Variants in SYDE1 observed in about 807,000 individuals in gnomAD.
SYDE1 encodes synapse defective Rho GTPase activating protein 1, also known as rho GTPase-activating protein SYDE1.
In SYDE1, 34 loss-of-function variants were observed where a neutral mutation model predicts 63.3. That is an observed-to-expected ratio of 0.54 (90% CI 0.41 to 0.71). SYDE1 has a LOEUF of 0.71. Ranked by LOEUF, SYDE1 falls within the 30% of genes least tolerant of loss-of-function variation. SYDE1 has a pLI of 0.00. For synonymous variants in SYDE1, 467 were observed against 473.4 expected, an observed-to-expected ratio of 0.99 and a Z score of 0.18; for missense variants, 925 against 1,042.5, an observed-to-expected ratio of 0.89 and a Z score of 1.55.
rs781342593 is a variant in SYDE1, at chr19:15,109,506, C to A, written c.430+109C>A. 1 of 1,291,376 alleles carries A rather than the reference C, an allele frequency of 7.7e-7. No homozygotes were observed. Among genetic ancestry groups the A allele is most frequent in the Non-Finnish European group, 1.0e-6 (1 of 958,368 alleles). 80.0% of individuals were successfully genotyped at this position (1,291,376 alleles called of 1,614,324 possible). A position where few individuals can be genotyped will look rare whatever the true frequency, so the allele number is the denominator to read the frequency against. ...TCCCTCCTCCCAGAGGAGCACCAACCTCACACTCCTTCCCTTCAGGGGAGC... is the reference window on the plus strand; with the variant it reads ...TCCCTCCTCCCAGAGGAGCACCAACATCACACTCCTTCCCTTCAGGGGAGC... On this transcript the variant is annotated intron_variant, in intron 2 of 7. Coordinates refer to ENST00000342784, the MANE Select transcript of SYDE1 (RefSeq NM_033025.6). This position sits in a 1 kb window ranked among gnomAD's most constrained non-coding sequence, Gnocchi z 5.0.
Position 15,111,543 on chromosome 19 carries a change from T to G in SYDE1, c.1418-89T>G. The G allele has an allele frequency of 6.3e-7, 1 of 1,597,504 alleles. No individual in the cohort carries two copies. The highest frequency in any genetic ancestry group is 1.1e-5 in the South Asian group (1 of 89,090). Reference sequence around the variant, plus strand: ...CTCAGTCCTCCTATCTGACCTTGCTTTCACCCACCTCCTCTTCCCCCTTAG... The same window carrying G: ...CTCAGTCCTCCTATCTGACCTTGCTGTCACCCACCTCCTCTTCCCCCTTAG... On this transcript the variant is annotated intron_variant, in intron 5 of 7. Coordinates refer to ENST00000342784, the MANE Select transcript of SYDE1 (RefSeq NM_033025.6). This position sits in a 1 kb window ranked among gnomAD's most constrained non-coding sequence, Gnocchi z 5.5.
At position 15,111,440 on chromosome 19, in the gene SYDE1, G is replaced by T; in HGVS notation, c.1417+1G>T. ...TACCCCGATATCAATGTCATCACTG[G>T]TCAGCATGGCCCCCTCTCCCCTGCC... On this transcript the variant is annotated splice_donor_variant, in intron 5 of 7. Transcript: ENST00000342784. LOFTEE classifies it high-confidence loss of function. The surrounding 1 kb of genome is among the most constrained non-coding windows in gnomAD (Gnocchi z 5.5). 1.2e-6 allele frequency: 2 copies of T among 1,613,868 alleles called. No individual in the cohort carries two copies. Among genetic ancestry groups the T allele is most frequent in the Non-Finnish European group, 1.7e-6 (2 of 1,179,844 alleles).
chr19:15,113,789 G>A lies in SYDE1; in HGVS notation c.2034G>A (p.Val678=). The A allele has an allele frequency of 1.2e-6, 2 of 1,614,146 alleles. 1 individual carries two copies. Among genetic ancestry groups the A allele is most frequent in the South Asian group, 2.2e-5 (2 of 91,088 alleles). ...TGTCCGGGCCAGACTACGACCACGT[G>A]ACGGGCAGTGACAGCGAGGACGAGG... ...DFLSGPDYDH[V]TGSDSEDEDE... The change falls in exon 8 of 8, where the codon GTG becomes GTA. Residue 678 remains valine (V), a synonymous_variant. Transcript: ENST00000342784.
At chr19:15,112,912 T>TA (rs2046354427) in intron 7 of SYDE1, among the ~76,000 whole-genome samples, 1 of 152,164 alleles carries the variant, frequency 6.6e-6, no homozygotes. Flanking sequence ...TTTTTATTTT[T>TA]TATTTTTTTT....
chr19:15,113,398 T>A (rs1482202536), intron 7 of SYDE1, among the ~76,000 whole-genome samples, 162 bp from the exon 8 acceptor site: 1 of 152,206 alleles, frequency 6.6e-6, no homozygotes, highest in Non-Finnish European at 1.5e-5. Context: ...GACATGCCAA[T>A]CAGAGGCCTA....
Position 15,109,467 on chromosome 19 carries a change from C to T in SYDE1, c.430+70C>T. On this transcript the variant is annotated intron_variant, in intron 2 of 7. Coordinates refer to ENST00000342784, the MANE Select transcript of SYDE1 (RefSeq NM_033025.6). This position sits in a 1 kb window ranked among gnomAD's most constrained non-coding sequence, Gnocchi z 5.0. The stretch of plus-strand genomic sequence containing the variant: ...TCCACATCCCTTCCCTTCAGGGTAG[C>T]ACCAGCCTCACACTCCCTCCTCCCA... The T allele has an allele frequency of 6.9e-7, 1 of 1,445,260 alleles. No individual in the cohort carries two copies. The highest frequency in any genetic ancestry group is 9.2e-7 in the Non-Finnish European group (1 of 1,090,110). The allele number at this position is 1,445,260 out of a possible 1,614,324, so 89.5% of individuals were successfully genotyped here.
At position 15,111,185 on chromosome 19, in the gene SYDE1, G is replaced by A. The variant is rs890148643; in HGVS notation, c.1291-128G>A. 5 of 1,004,934 alleles carry A rather than the reference G, an allele frequency of 5.0e-6. No homozygotes were observed. Among genetic ancestry groups the A allele is most frequent in the Admixed American group, 2.2e-5 (1 of 45,792 alleles). The allele number at this position is 1,004,934 out of a possible 1,614,324, so 62.3% of individuals were successfully genotyped here. ...GGGTTTACAAGGCCAGGTTGTCAAG[G>A]TAGTTCCAACCTCCCAGCCCACAAT... is the stretch of plus-strand genomic sequence containing the variant. On this transcript the variant is annotated intron_variant, in intron 4 of 7. Transcript: ENST00000342784. This position sits in a 1 kb window ranked among gnomAD's most constrained non-coding sequence, Gnocchi z 5.5.
chr19:15,111,854 C>A lies in SYDE1; in HGVS notation c.1578+62C>A. On this transcript the variant is annotated intron_variant, in intron 6 of 7. Coordinates refer to ENST00000342784, the MANE Select transcript of SYDE1 (RefSeq NM_033025.6). The surrounding 1 kb of genome is among the most constrained non-coding windows in gnomAD (Gnocchi z 5.5). Reference sequence around the variant, plus strand: ...GTGGGCTGATACCAATAGAATGTTTCACCCATGCCTGGGCCTGAGATGGGC... The same window carrying A: ...GTGGGCTGATACCAATAGAATGTTTAACCCATGCCTGGGCCTGAGATGGGC... 2 of 1,475,370 alleles carry A rather than the reference C, an allele frequency of 1.4e-6. No homozygotes were observed. The allele number at this position is 1,475,370 out of a possible 1,614,324, so 91.4% of individuals were successfully genotyped here. A position where few individuals can be genotyped will look rare whatever the true frequency, so the allele number is the denominator to read the frequency against.
Position 15,113,992 on chromosome 19 carries a change from G to A in SYDE1, c.*29G>A. 2 of 1,590,720 alleles carry A rather than the reference G, an allele frequency of 1.3e-6. No individual in the cohort carries two copies. Among genetic ancestry groups the A allele is most frequent in the Non-Finnish European group, 1.7e-6 (2 of 1,166,704 alleles). ...AGATGACGGGGTGGGACCCCGGTTA[G>A]TAAGGACCGGGCGCCCAGTGGCTAA... is the stretch of plus-strand genomic sequence containing the variant. On this transcript the variant is annotated 3_prime_UTR_variant, in exon 8 of 8. Transcript: ENST00000342784.
Position 15,112,429 on chromosome 19 carries a change from C to T in SYDE1, c.1662C>T (p.Ala554=). ...ACCGCATGACCCCACAGAACTTGGCCGTGTGCTTCGGGCCTGTGCTGCTGC... is the reference window on the plus strand; with the variant it reads ...ACCGCATGACCCCACAGAACTTGGCTGTGTGCTTCGGGCCTGTGCTGCTGC... ...AYNRMTPQNL[A]VCFGPVLLPA... The change falls in exon 7 of 8, where the codon GCC becomes GCT. Residue 554 remains alanine, a synonymous_variant. Transcript: ENST00000342784. The T allele has an allele frequency of 2.5e-6, 4 of 1,601,366 alleles. No homozygotes were observed. Among genetic ancestry groups the T allele is most frequent in the Admixed American group, 1.7e-5 (1 of 57,788 alleles).
At position 15,108,584 on chromosome 19, in the gene SYDE1, T is replaced by G. The variant is rs1218378488; in HGVS notation, c.89-472T>G. 6.6e-6 allele frequency among the ~76,000 whole-genome samples: 1 copy of G among 152,174 alleles called. No individual in the cohort carries two copies. The highest frequency in any genetic ancestry group is 1.5e-5 in the Non-Finnish European group (1 of 68,032). ...CAGCTCCTCACTCCTGAGCACGTAG[T>G]GCCTGCTGTGGGCTGTATACTTTTC... On this transcript the variant is annotated intron_variant, in intron 1 of 7. Transcript: ENST00000342784. This position sits in a 1 kb window ranked among gnomAD's most constrained non-coding sequence, Gnocchi z 4.3.
At position 15,108,733 on chromosome 19, in the gene SYDE1, C is replaced by G. The variant is rs1031288061; in HGVS notation, c.89-323C>G. On this transcript the variant is annotated intron_variant, in intron 1 of 7. Coordinates refer to ENST00000342784, the MANE Select transcript of SYDE1 (RefSeq NM_033025.6). This position sits in a 1 kb window ranked among gnomAD's most constrained non-coding sequence, Gnocchi z 4.3. Reference sequence around the variant, plus strand: ...CACGCAGGTGCAAAGCTCCATGCCACGGTTATTGAGAGGGTAGAGGAAGTG... The same window carrying G: ...CACGCAGGTGCAAAGCTCCATGCCAGGGTTATTGAGAGGGTAGAGGAAGTG... 1.1e-5 allele frequency: 3 copies of G among 275,528 alleles called. No individual in the cohort carries two copies. Among genetic ancestry groups the G allele is most frequent in the Admixed American group, 5.0e-5 (1 of 19,832 alleles). 17.1% of individuals were successfully genotyped at this position (275,528 alleles called of 1,614,324 possible).
rs567072793 is a variant in SYDE1 at position 15,109,127 on chromosome 19, G to A, written c.160G>A (p.Gly54Arg). The A allele has an allele frequency of 9.7e-6, 15 of 1,549,890 alleles. No individual in the cohort carries two copies. The highest frequency in any genetic ancestry group is 4.9e-5 in the East Asian group (2 of 40,966). Reference sequence around the variant, plus strand: ...CCAGGCTCCCGAAGGGTCCCAGGCCGGAGCAGAGGGGCCCTCCAGCCCCGA... The same window carrying A: ...CCAGGCTCCCGAAGGGTCCCAGGCCAGAGCAGAGGGGCCCTCCAGCCCCGA... ...EPQAPEGSQA[G>R]AEGPSSPEAS... The change falls in exon 2 of 8, where the codon GGA becomes AGA. Residue 54 changes from glycine to arginine, a missense_variant. This residue lies in a region of SYDE1 where 599 missense variants were observed against 653.7 expected (regional missense o/e 0.92). Coordinates refer to ENST00000342784, the MANE Select transcript of SYDE1 (RefSeq NM_033025.6). The surrounding 1 kb of genome is among the most constrained non-coding windows in gnomAD (Gnocchi z 5.0).
In SYDE1 at chr19:15,110,444, G is replaced by T. The variant is rs777459482; in HGVS notation, c.1076-77G>T. 14 of 1,493,496 alleles carry T rather than the reference G, an allele frequency of 9.4e-6. No homozygotes were observed. Among genetic ancestry groups the T allele is most frequent in the Non-Finnish European group, 1.2e-5 (13 of 1,116,250 alleles). The allele number at this position is 1,493,496 out of a possible 1,614,324, so 92.5% of individuals were successfully genotyped here. On this transcript the variant is annotated intron_variant, in intron 3 of 7. Transcript: ENST00000342784. The surrounding 1 kb of genome is among the most constrained non-coding windows in gnomAD (Gnocchi z 6.9). ...CTAGGGGGCTGGGCTCCGGGCGGAAGGTGTGGCCTGGAGCAGCGAGGCCAG... is the reference window on the plus strand; with the variant it reads ...CTAGGGGGCTGGGCTCCGGGCGGAATGTGTGGCCTGGAGCAGCGAGGCCAG...
In SYDE1 at chr19:15,113,694, C is replaced by A; in HGVS notation, c.1939C>A (p.Pro647Thr). 1 of 1,613,434 alleles carries A rather than the reference C, an allele frequency of 6.2e-7. No individual in the cohort carries two copies. Among genetic ancestry groups the A allele is most frequent in the Non-Finnish European group, 8.5e-7 (1 of 1,179,822 alleles). Residue 647 changes from proline to threonine, a missense_variant, in exon 8 of 8, where the codon CCG becomes ACG. Physicochemically the swap from Pro to Thr is conservative, Grantham distance 38 (BLOSUM62 -1). Around this residue, in one of 3 missense-constraint regions of SYDE1, gnomAD observed 255 missense variants for 255.9 expected, o/e 1.00. Coordinates refer to ENST00000342784, the MANE Select transcript of SYDE1 (RefSeq NM_033025.6). ...PRGRGGPESP[P>T]SNRYAGDWSV... ...CGGTCGAGGAGGCCCCGAAAGCCCC[C>A]CGAGCAACCGCTACGCCGGCGACTG...
Position 15,113,836 on chromosome 19 carries a change from GGGTCACCGGTGACTT to G in SYDE1, c.2082_2096del (p.Arg694_Phe699delinsSer). On this transcript the variant is annotated inframe_deletion, in exon 8 of 8. Coordinates refer to ENST00000342784, the MANE Select transcript of SYDE1 (RefSeq NM_033025.6). Reference sequence around the variant, plus strand: ...GAGGACGAGGAGGTCGGCGAGCCGAGGGTCACCGGTGACTTCGAAGACGACTTCGATGCGCCCTTC... The same window carrying G: ...GAGGACGAGGAGGTCGGCGAGCCGAGCGAAGACGACTTCGATGCGCCCTTC... 1 of 1,614,178 alleles carries G rather than the reference GGGTCACCGGTGACTT, an allele frequency of 6.2e-7. No homozygotes were observed. Among genetic ancestry groups the G allele is most frequent in the Non-Finnish European group, 8.5e-7 (1 of 1,180,036 alleles).
Position 15,110,700 on chromosome 19 carries a change from A to C in SYDE1, c.1255A>C (p.Lys419Gln). 2 of 1,580,620 alleles carry C rather than the reference A, an allele frequency of 1.3e-6. No individual in the cohort carries two copies. Among genetic ancestry groups the C allele is most frequent in the Non-Finnish European group, 1.7e-6 (2 of 1,165,946 alleles). The change falls in exon 4 of 8, where the codon AAG becomes CAG. Residue 419 changes from lysine to glutamine, a missense_variant. Around this residue, in one of 3 missense-constraint regions of SYDE1, gnomAD observed 599 missense variants for 653.7 expected, o/e 0.92. Coordinates refer to ENST00000342784, the MANE Select transcript of SYDE1 (RefSeq NM_033025.6). The surrounding 1 kb of genome is among the most constrained non-coding windows in gnomAD (Gnocchi z 6.9). ...PPGQVPLIIQKCVGQIERRGL... is the reference protein window; with the variant it reads ...PPGQVPLIIQQCVGQIERRGL... ...CGGCCAGGTGCCCCTCATCATCCAG[A>C]AGTGCGTTGGGCAGATCGAGCGCCG...
In SYDE1 at chr19:15,109,111, C is replaced by G. The variant is rs776491712; in HGVS notation, c.144C>G (p.Pro48=). ...PSPPEPEPQA[P]EGSQAGAEGP... ...CTCCAGAGCCAGAGCCCCAGGCTCC[C>G]GAAGGGTCCCAGGCCGGAGCAGAGG... Residue 48 remains proline (P), a synonymous_variant, in exon 2 of 8, where the codon CCC becomes CCG. Coordinates refer to ENST00000342784, the MANE Select transcript of SYDE1 (RefSeq NM_033025.6). This position sits in a 1 kb window ranked among gnomAD's most constrained non-coding sequence, Gnocchi z 5.0. 5 of 1,544,540 alleles carry G rather than the reference C, an allele frequency of 3.2e-6. No individual in the cohort carries two copies. The highest frequency in any genetic ancestry group is 4.9e-5 in the East Asian group (2 of 40,918).
chr19:15,109,099 G>C lies in SYDE1; in HGVS notation c.132G>C (p.Glu44Asp). 2 of 1,537,654 alleles carry C rather than the reference G, an allele frequency of 1.3e-6. No homozygotes were observed. The highest frequency in any genetic ancestry group is 1.8e-6 in the Non-Finnish European group (2 of 1,142,814). ...CAGAGCCCAGCCCTCCAGAGCCAGA[G>C]CCCCAGGCTCCCGAAGGGTCCCAGG... The part of the protein sequence containing the change: ...QRPEPSPPEP[E>D]PQAPEGSQAG... Residue 44 changes from glutamate (E) to aspartate (D), a missense_variant, in exon 2 of 8, where the codon GAG (glutamate) becomes GAC (aspartate). By Grantham distance (45) the Glu-to-Asp change is conservative. Transcript: ENST00000342784. This position sits in a 1 kb window ranked among gnomAD's most constrained non-coding sequence, Gnocchi z 5.0.
Sources: allele counts gnomAD v4.1 joint callset (sites outside exome capture counted in the v4.1 genomes callset), GRCh38; gene constraint gnomAD v4.1.1; regional missense constraint gnomAD v4.1.1; non-coding constraint Gnocchi (gnomAD v3.1); transcripts MANE v1.5; gene names NCBI Gene and HGNC (gene_info 2026-07-23, HGNC 2026-07-21).